ADGRL3: variants seen among roughly 807,000 people sequenced by gnomAD.
ADGRL3 encodes the protein adhesion G protein-coupled receptor L3.
Under a neutral mutation model 153.5 loss-of-function variants are expected in ADGRL3, and 62 were observed. That is an observed-to-expected ratio of 0.40 (90% CI 0.33 to 0.50). The LOEUF is 0.50. Among genes scored for constraint, ADGRL3 ranks in the 20% least tolerant of loss-of-function variants. The pLI is 0.47. For missense variants in ADGRL3, 1,641 were observed against 1,859.4 expected, an observed-to-expected ratio of 0.88 and a Z score of 2.16; for synonymous variants, 710 against 672.5, an observed-to-expected ratio of 1.06 and a Z score of -0.86.
At chr4:62,036,153 TTAAATA>T (rs1320170830) in intron 23 of ADGRL3, among the ~76,000 whole-genome samples, 1 of 152,138 alleles carries the variant, frequency 6.6e-6, no homozygotes, top group Non-Finnish European at 1.5e-5. Flanking sequence ...CAATAGCATT[TTAAATA>T]CATTAAAAAT....
intron 8 of ADGRL3, among the ~76,000 whole-genome samples, chr4:61,751,689 A>G (rs889865313): frequency 6.6e-6 from 1 of 152,220 alleles, no homozygotes; most frequent in Non-Finnish European, 1.5e-5. Context: ...GAACAATTTG[A>G]AAGACTAGAG....
chr4:61,631,061 A>G (rs2093135847), intron 5 of ADGRL3, among the ~76,000 whole-genome samples: 1 of 152,190 alleles, frequency 6.6e-6, no homozygotes, highest in Non-Finnish European at 1.5e-5. Flanking sequence ...CTCCTGGGCT[A>G]AAAATTGTGG....
chr4:61,444,084 C>T (rs1578889407), intron 2 of ADGRL3, among the ~76,000 whole-genome samples: 1 of 152,132 alleles, frequency 6.6e-6, no homozygotes, highest in South Asian at 2.1e-4. Flanking sequence ...AAAAGCACTT[C>T]TTGTTCCCAA....
chr4:61,730,043 A>G (rs1419978948), intron 6 of ADGRL3, among the ~76,000 whole-genome samples: 1 of 151,936 alleles, frequency 6.6e-6, no homozygotes, highest in Non-Finnish European at 1.5e-5. Flanking sequence ...TTCCAAATCA[A>G]TTTATTTAGG....
At chr4:61,299,648 T>G (rs1578177951) in intron 1 of ADGRL3, among the ~76,000 whole-genome samples, 5 of 152,280 alleles carry the variant, frequency 3.3e-5, no homozygotes, top group Admixed American at 2.0e-4. Flanking sequence ...TAAATTCAGT[T>G]TTGGTTAAAA....
intron 1 of ADGRL3, among the ~76,000 whole-genome samples, chr4:61,243,173 G>T (rs779619445): frequency 6.6e-6 from 1 of 152,020 alleles, no homozygotes; most frequent in Non-Finnish European, 1.5e-5. Context: ...TTTAGTATAG[G>T]GTTTTCAATT....
chr4:61,448,845 A>AAGGGAAGGGAGGG, intron 2 of ADGRL3, among the ~76,000 whole-genome samples: 2 of 10,234 alleles, frequency 2.0e-4, no homozygotes, highest in Non-Finnish European at 6.8e-4. Context: ...GGAGGGAAGG[A>AAGGGAAGGGAGGG]AGGGAAGGAA....
intron 8 of ADGRL3, among the ~76,000 whole-genome samples, chr4:61,791,195 G>A (rs1018902310): frequency 2.0e-5 from 3 of 152,104 alleles, no homozygotes; most frequent in Admixed American, 6.5e-5. Flanking sequence ...CTGAGATAAG[G>A]CAAGTCCCTT....
chr4:61,928,383 T>C (rs950977305), intron 13 of ADGRL3, among the ~76,000 whole-genome samples: 36 of 152,242 alleles, frequency 2.4e-4, no homozygotes, highest in African/African-American at 8.4e-4. Flanking sequence ...AAAATAAACA[T>C]TTTCTGGGAT....
chr4:61,947,225 A>G, intron 16 of ADGRL3, 103 bp downstream of exon 16: 1 of 920,930 alleles, frequency 1.1e-6, no homozygotes, highest in Non-Finnish European at 1.6e-6. Flanking sequence ...TCTATTTGAC[A>G]TATAACAGTT....
intron 13 of ADGRL3, among the ~76,000 whole-genome samples, chr4:61,920,694 G>C (rs1431501150): frequency 6.6e-6 from 1 of 152,176 alleles, no homozygotes; most frequent in East Asian, 1.9e-4. Flanking sequence ...CCATCCCCAA[G>C]ATGACAAGAT....
At chr4:61,317,262 C>T (rs1318231827) in intron 1 of ADGRL3, among the ~76,000 whole-genome samples, 5 of 152,132 alleles carry the variant, frequency 3.3e-5, no homozygotes, top group African/African-American at 1.2e-4. Context: ...GTGTATCTGG[C>T]AGACCAATAT....
intron 5 of ADGRL3, among the ~76,000 whole-genome samples, chr4:61,664,997 C>T (rs1021032055): frequency 6.6e-6 from 1 of 152,154 alleles, no homozygotes; most frequent in African/African-American, 2.4e-5. Flanking sequence ...ACATCATTCC[C>T]CTTATGTGAT....
chr4:61,696,978 T>C (rs1350535269), intron 6 of ADGRL3, among the ~76,000 whole-genome samples: 1 of 151,958 alleles, frequency 6.6e-6, no homozygotes, highest in African/African-American at 2.4e-5. Flanking sequence ...TGCCCAGCCA[T>C]ATTCTCCAAG....
At chr4:61,935,093 T>A in intron 14 of ADGRL3, 70 bp downstream of exon 14, 6 of 1,323,288 alleles carry the variant, frequency 4.5e-6, no homozygotes, top group Non-Finnish European at 5.3e-6. Context: ...GAAAAAAGTA[T>A]CTCTGGTGTC....
intron 8 of ADGRL3, among the ~76,000 whole-genome samples, chr4:61,765,661 G>T (rs140994144): frequency 6.6e-6 from 1 of 152,044 alleles, no homozygotes; most frequent in Non-Finnish European, 1.5e-5. Context: ...AAATGACTGC[G>T]GTGGCCTTCT....
Position 61,500,029 on chromosome 4 carries a change from C to CAGAGAGAGAGAGAGAGAGAGAG in ADGRL3, c.55+2695_55+2716dup, listed in dbSNP as rs10673228. The stretch of plus-strand genomic sequence containing the variant: ...ACACACACACATACACACACAGAAA[C>CAGAGAGAGAGAGAGAGAGAGAG]AGAGAGAGAGAGAGAGAGAGAGAGA... On this transcript the variant is annotated intron_variant, in intron 3 of 26. Transcript: ENST00000683033. 6.0e-4 allele frequency among the ~76,000 whole-genome samples: 84 copies of CAGAGAGAGAGAGAGAGAGAGAG among 140,554 alleles called. 1 individual carries two copies. The highest frequency in any genetic ancestry group is 3.8e-3 in the Middle Eastern group (1 of 262). 92.2% of individuals were successfully genotyped at this position (140,554 alleles called of 152,430 possible). A position where few individuals can be genotyped will look rare whatever the true frequency, so the allele number is the denominator to read the frequency against.
chr4:61,760,142 A>G (rs1011487166), intron 8 of ADGRL3, among the ~76,000 whole-genome samples: 4 of 152,112 alleles, frequency 2.6e-5, no homozygotes, highest in African/African-American at 9.7e-5. Context: ...CTGTTCTCAG[A>G]TCTCCAGCTG....
intron 3 of ADGRL3, among the ~76,000 whole-genome samples, chr4:61,504,248 A>G (rs1277897723): frequency 2.0e-5 from 3 of 151,314 alleles, no homozygotes; most frequent in Non-Finnish European, 4.4e-5. Flanking sequence ...TCCTGCCTTG[A>G]CCTCCCAGAG....
Sources: gnomAD v4.1 joint callset for allele counts (sites outside exome capture counted in the v4.1 genomes callset) on GRCh38, gnomAD v4.1.1 for gene constraint, MANE v1.5 for transcripts, NCBI Gene and HGNC (gene_info 2026-07-23, HGNC 2026-07-21) for gene names.